The following SLC4A10 variants were observed in gnomAD, a reference collection of about 807,000 sequenced individuals.
SLC4A10 encodes the protein solute carrier family 4 member 10.
Under a neutral mutation model 137.7 loss-of-function variants are expected in SLC4A10, and 42 were observed. That is an observed-to-expected ratio of 0.30 (90% confidence interval 0.24 to 0.39). SLC4A10 has a LOEUF of 0.39. SLC4A10 is among the 10% of genes least tolerant of loss of function. The pLI is 1.00. For synonymous variants in SLC4A10, 474 were observed against 464.1 expected (o/e 1.02, Z -0.27); for missense variants, 925 against 1,355.0 (o/e 0.68, Z 4.98).
In SLC4A10 at chr2:161,804,550, G is replaced by A; in HGVS notation, c.232G>A (p.Glu78Lys). 1 of 1,613,010 alleles carries A rather than the reference G, an allele frequency of 6.2e-7. No homozygotes were observed. Among genetic ancestry groups the A allele is most frequent in the South Asian group, 1.1e-5 (1 of 90,990 alleles). Reference sequence around the variant, plus strand: ...TCATAAACACAGAAAGAGAGACAGAGAAAGAGATTCAGGATTAGAGGATGG... The same window carrying A: ...TCATAAACACAGAAAGAGAGACAGAAAAAGAGATTCAGGATTAGAGGATGG... ...RGHKHRKRDRERDSGLEDGRE... is the reference protein window; with the variant it reads ...RGHKHRKRDRKRDSGLEDGRE... The change falls in exon 3 of 27, where the codon GAA becomes AAA. Residue 78 changes from glutamate to lysine, a missense_variant. Physicochemically the swap from Glu to Lys is moderately conservative, Grantham distance 56. Coordinates refer to ENST00000446997, the MANE Select transcript of SLC4A10 (RefSeq NM_001178015.2).
chr2:161,813,664 A>T (rs371225614), intron 3 of SLC4A10, among the ~76,000 whole-genome samples: 9 of 152,190 alleles, frequency 5.9e-5, no homozygotes, highest in East Asian at 5.8e-4. Context: ...CTATGCGCTA[A>T]TGATGAGTTT....
chr2:161,832,544 A>G (rs2058497248), intron 3 of SLC4A10, among the ~76,000 whole-genome samples: 1 of 152,098 alleles, frequency 6.6e-6, no homozygotes, highest in African/African-American at 2.4e-5. Context: ...ATTAATGAGG[A>G]GGATTTGGGG....
chr2:161,736,100 A>G (rs902813332), intron 1 of SLC4A10, among the ~76,000 whole-genome samples: 1 of 152,124 alleles, frequency 6.6e-6, no homozygotes, highest in Non-Finnish European at 1.5e-5. Context: ...TATAGTTTTT[A>G]TAAAGAATTT....
chr2:161,950,769 C>T lies in SLC4A10; in HGVS notation c.2462C>T (p.Ala821Val). The change falls in exon 19 of 27, where the codon GCT (alanine) becomes GTT (valine). Residue 821 changes from alanine (A) to valine (V), a missense_variant. Transcript: ENST00000446997. ...ACAGTAATAGCTGCTATAATTCCAG[C>T]TCTGCTTTGTACTATTCTAATTTTT... ...WWTVIAAIIP[A>V]LLCTILIFMD... is the part of the protein sequence containing the mutation. The T allele has an allele frequency of 6.2e-7, 1 of 1,600,712 alleles. No homozygotes were observed. Among genetic ancestry groups the T allele is most frequent in the Non-Finnish European group, 8.5e-7 (1 of 1,172,858 alleles).
In SLC4A10 at chr2:161,872,413, A is replaced by G. The variant is rs370453755; in HGVS notation, c.858+29A>G. 5.7e-6 allele frequency: 9 copies of G among 1,569,488 alleles called. No individual in the cohort carries two copies. In the African/African-American group the frequency reaches 9.5e-5, roughly 17 times the overall value. On this transcript the variant is annotated intron_variant, in intron 7 of 26. Coordinates refer to ENST00000446997, the MANE Select transcript of SLC4A10 (RefSeq NM_001178015.2). ...AGCTTTTCTCCCTCTCATCTAAGTA[A>G]GTTGCTAAATTACTACTAGAAATTA...
intron 1 of SLC4A10, among the ~76,000 whole-genome samples, chr2:161,655,093 C>G (rs2037327008): frequency 6.6e-6 from 1 of 151,992 alleles, no homozygotes; most frequent in South Asian, 2.1e-4. Context: ...CTTTCACCTC[C>G]TTGGTTAAAT....
chr2:161,899,319 C>G (rs10169534), intron 11 of SLC4A10, among the ~76,000 whole-genome samples: 5,640 of 152,156 alleles, frequency 0.037, 151 homozygotes, highest in Non-Finnish European at 0.056. Flanking sequence ...GCCTGCCACT[C>G]TTATTCATTC....
intron 1 of SLC4A10, among the ~76,000 whole-genome samples, chr2:161,663,674 G>A (rs767231723): frequency 7.2e-5 from 11 of 151,988 alleles, no homozygotes; most frequent in Admixed American, 2.0e-4. Flanking sequence ...GTACAAAAGG[G>A]GAAGCAGGAC....
chr2:161,858,710 T>C (rs1281664219), intron 5 of SLC4A10, among the ~76,000 whole-genome samples: 1 of 152,202 alleles, frequency 6.6e-6, no homozygotes, highest in African/African-American at 2.4e-5. Flanking sequence ...ATATCCTCTC[T>C]GCAGTGTGTG....
chr2:161,677,080 T>A (rs1335495333), intron 1 of SLC4A10, among the ~76,000 whole-genome samples: 2 of 151,948 alleles, frequency 1.3e-5, no homozygotes, highest in African/African-American at 2.4e-5. Context: ...GGTGTTTGGG[T>A]TGTTTGGGTG....
At chr2:161,839,507 TC>T (rs1489328580) in intron 3 of SLC4A10, among the ~76,000 whole-genome samples, 2 of 152,018 alleles carry the variant, frequency 1.3e-5, no homozygotes, top group Non-Finnish European at 2.9e-5. Flanking sequence ...TTAAAAATAA[TC>T]CAAAATAATA....
In SLC4A10 at chr2:161,901,002, G is replaced by A. The variant is rs866130595; in HGVS notation, c.1433G>A (p.Arg478Gln). 3 of 1,561,552 alleles carry A rather than the reference G, an allele frequency of 1.9e-6. No individual in the cohort carries two copies. Among genetic ancestry groups the A allele is most frequent in the East Asian group, 2.4e-5 (1 of 41,712 alleles). Reference protein sequence around the residue: ...HGGHSGPELQRTGRIFGGLIL... With the variant: ...HGGHSGPELQQTGRIFGGLIL... ...GGACATAGTGGACCTGAACTCCAGC[G>A]AACTGGAAGGTTAGTGAAAATCACT... The change falls in exon 12 of 27, where the codon CGA becomes CAA. Residue 478 changes from arginine to glutamine, a missense_variant. Physicochemically the swap from Arg to Gln is conservative, Grantham distance 43. This residue lies in a region of SLC4A10 where 61 missense variants were observed against 59.0 expected (regional missense o/e 1.03). Coordinates refer to ENST00000446997, the MANE Select transcript of SLC4A10 (RefSeq NM_001178015.2).
intron 3 of SLC4A10, among the ~76,000 whole-genome samples, chr2:161,808,622 TAAGTACCC>T (rs796730340): frequency 4.6e-5 from 7 of 152,242 alleles, no homozygotes; most frequent in African/African-American, 1.7e-4. Flanking sequence ...TTAATGTACA[TAAGTACCC>T]AATGTTTAGC....
At position 161,904,016 on chromosome 2, in the gene SLC4A10, A is replaced by T; in HGVS notation, c.1455A>T (p.Gly485=). The T allele has an allele frequency of 6.4e-7, 1 of 1,574,498 alleles. No homozygotes were observed. ...ELQRTGRIFG[G]LILDIKRKAP... ...CCCCCTGTCTTAGGATTTTTGGGGG[A>T]CTTATTTTAGATATCAAAAGAAAAG... is the stretch of plus-strand genomic sequence containing the variant. The change falls in exon 13 of 27, where the codon GGA becomes GGT. Residue 485 remains glycine, a synonymous_variant. Coordinates refer to ENST00000446997, the MANE Select transcript of SLC4A10 (RefSeq NM_001178015.2).
At chr2:161,935,020 A>G (rs1164737472) in intron 15 of SLC4A10, among the ~76,000 whole-genome samples, 1 of 152,102 alleles carries the variant, frequency 6.6e-6, no homozygotes, top group Non-Finnish European at 1.5e-5. Context: ...ACAAATGGCA[A>G]TGTTTTCTTA....
chr2:161,713,530 C>G (rs932055453), intron 1 of SLC4A10, among the ~76,000 whole-genome samples: 2 of 151,788 alleles, frequency 1.3e-5, no homozygotes, highest in Non-Finnish European at 2.9e-5. Context: ...AGACCTCCTG[C>G]TTGTCCGTGA....
intron 9 of SLC4A10, among the ~76,000 whole-genome samples, chr2:161,879,576 G>A (rs939549566): frequency 1.5e-5 from 2 of 135,528 alleles, no homozygotes; most frequent in Admixed American, 7.8e-5. Context: ...TACATTTTTG[G>A]TAAAAGAAGT....
In SLC4A10 at chr2:161,705,694, G is replaced by T. The variant is rs1198225901; in HGVS notation, c.49-65279G>T. 2.0e-5 allele frequency among the ~76,000 whole-genome samples: 3 copies of T among 151,534 alleles called. No homozygotes were observed. The Admixed American group carries it at 2.0e-4, about 10-fold the overall frequency. ...AAAAGAGGCCCCAGAGAGTTGCCTT[G>T]CCCCCTTTTCTTCCATGTGAGGTTA... On this transcript the variant is annotated intron_variant, in intron 1 of 26. Transcript: ENST00000446997.
At chr2:161,899,900 T>G (rs199735017) in intron 11 of SLC4A10, among the ~76,000 whole-genome samples, 2 of 152,176 alleles carry the variant, frequency 1.3e-5, no homozygotes, top group East Asian at 3.9e-4. Flanking sequence ...ATAAACTTTC[T>G]TATATTGAGC....
Sources: gnomAD v4.1 joint callset for allele counts (sites outside exome capture counted in the v4.1 genomes callset) on GRCh38, gnomAD v4.1.1 for gene constraint, gnomAD v4.1.1 regional missense constraint, MANE v1.5 for transcripts, NCBI Gene and HGNC (gene_info 2026-07-23, HGNC 2026-07-21) for gene names.